The following MLIP variants were observed in gnomAD, a reference collection of about 807,000 sequenced individuals.
The protein encoded by MLIP is muscular LMNA-interacting protein.
Under a neutral mutation model 84.8 loss-of-function variants are expected in MLIP, and 79 were observed. The observed-to-expected ratio is 0.93, with a 90% CI of 0.78 to 1.12. The LOEUF (loss-of-function observed/expected upper bound fraction) is 1.12, where lower values mean the gene tolerates loss of function less well. MLIP is among the 50% of genes most tolerant of loss of function. MLIP has a pLI of 0.00. For synonymous variants in MLIP, 504 were observed against 463.0 expected, an observed-to-expected ratio of 1.09 and a Z score of -1.14; for missense variants, 1,257 against 1,160.6, an observed-to-expected ratio of 1.08 and a Z score of -1.21.
At chr6:54,200,882 T>C (rs1023237438) in intron 10 of MLIP, among the ~76,000 whole-genome samples, 9 of 152,194 alleles carry the variant, frequency 5.9e-5, no homozygotes, top group Admixed American at 2.0e-4. Flanking sequence ...AGACTCAAAA[T>C]ATATCAGGTG....
chr6:54,093,067 G>A (rs1165915300), intron 1 of MLIP, among the ~76,000 whole-genome samples: 1 of 151,910 alleles, frequency 6.6e-6, no homozygotes, highest in African/African-American at 2.4e-5. Context: ...AGCAGAGATG[G>A]GGTTTCACCA....
intron 11 of MLIP, among the ~76,000 whole-genome samples, chr6:54,206,211 T>A (rs1008250247): frequency 1.3e-5 from 2 of 152,160 alleles, no homozygotes; most frequent in African/African-American, 4.8e-5. Flanking sequence ...CATTGAAGAT[T>A]TTTGGTTTAA....
chr6:54,188,651 C>A (rs940347005), intron 9 of MLIP, among the ~76,000 whole-genome samples: 1 of 151,988 alleles, frequency 6.6e-6, no homozygotes, highest in African/African-American at 2.4e-5. Context: ...TTGTGTGGCA[C>A]ATTACTATAT....
chr6:54,124,100 T>TATA (rs1464434487), intron 2 of MLIP, among the ~76,000 whole-genome samples: 1 of 152,210 alleles, frequency 6.6e-6, no homozygotes, highest in Non-Finnish European at 1.5e-5. Context: ...TTTTAAAGGA[T>TATA]ATACAGTTTG....
chr6:54,023,833 G>A (rs997556165), intron 1 of MLIP, among the ~76,000 whole-genome samples: 1 of 152,136 alleles, frequency 6.6e-6, no homozygotes, highest in Non-Finnish European at 1.5e-5. Flanking sequence ...GCCTCCCAAA[G>A]TGATAGGATT....
chr6:54,080,689 A>G (rs1326211245), intron 1 of MLIP, among the ~76,000 whole-genome samples: 2 of 148,604 alleles, frequency 1.3e-5, no homozygotes, highest in Non-Finnish European at 3.0e-5. Flanking sequence ...TCTATAAAAT[A>G]CATAAATTTA....
intron 10 of MLIP, among the ~76,000 whole-genome samples, chr6:54,197,355 CAG>C (rs1562046259): frequency 1.3e-5 from 2 of 151,982 alleles, no homozygotes; most frequent in African/African-American, 2.4e-5. Flanking sequence ...CCTCTGAAAA[CAG>C]GGGGTATGTC....
chr6:54,141,982 G>T (rs1016016667), intron 4 of MLIP, among the ~76,000 whole-genome samples: 3 of 152,190 alleles, frequency 2.0e-5, no homozygotes, highest in Non-Finnish European at 4.4e-5. Flanking sequence ...ATTCACAAAA[G>T]TCTCCTTCCT....
In MLIP at chr6:54,137,685, T is replaced by C. The variant is rs1313728795; in HGVS notation, c.1616T>C (p.Leu539Pro). ...TTGAAGAGCAATACCATGCTCTCCCTGCTACAAACCAGTACATCCAGTTCT... is the reference window on the plus strand; with the variant it reads ...TTGAAGAGCAATACCATGCTCTCCCCGCTACAAACCAGTACATCCAGTTCT... ...PTLKSNTMLSLLQTSTSSSVG... is the reference protein window; with the variant it reads ...PTLKSNTMLSPLQTSTSSSVG... Residue 539 changes from leucine (L) to proline (P), a missense_variant, in exon 4 of 14, where the codon CTG becomes CCG. Transcript: ENST00000502396. The C allele has an allele frequency of 6.5e-7, 1 of 1,536,090 alleles. No homozygotes were observed. Among genetic ancestry groups the C allele is most frequent in the East Asian group, 2.4e-5 (1 of 40,906 alleles).
intron 9 of MLIP, among the ~76,000 whole-genome samples, chr6:54,178,010 C>A (rs779960771): frequency 2.9e-4 from 44 of 151,908 alleles, no homozygotes; most frequent in Non-Finnish European, 5.6e-4. Flanking sequence ...CACATAGACA[C>A]GGGCAGGGTG....
At chr6:54,171,412 G>T (rs1290585983) in intron 9 of MLIP, among the ~76,000 whole-genome samples, 1 of 151,532 alleles carries the variant, frequency 6.6e-6, no homozygotes, top group Non-Finnish European at 1.5e-5. Flanking sequence ...TTTACAACAT[G>T]ACATTTGAAT....
intron 1 of MLIP, among the ~76,000 whole-genome samples, chr6:54,084,231 T>C (rs146156106): frequency 1.3e-3 from 203 of 152,304 alleles, no homozygotes; most frequent in African/African-American, 4.7e-3. Context: ...CACTCTTTAG[T>C]TGAAGCTTAG....
At chr6:54,206,004 C>A (rs1011615709) in intron 11 of MLIP, among the ~76,000 whole-genome samples, 1 of 152,006 alleles carries the variant, frequency 6.6e-6, no homozygotes, top group African/African-American at 2.4e-5. Flanking sequence ...AAAAGTAGAG[C>A]TGGAAAATAA....
intron 1 of MLIP, among the ~76,000 whole-genome samples, chr6:54,079,088 A>G (rs1561912740): frequency 6.6e-6 from 1 of 152,248 alleles, no homozygotes; most frequent in Non-Finnish European, 1.5e-5. Flanking sequence ...ACATAATTAC[A>G]CTAAAAACTT....
intron 11 of MLIP, among the ~76,000 whole-genome samples, chr6:54,205,784 C>T (rs955428058): frequency 2.6e-5 from 4 of 152,016 alleles, no homozygotes; most frequent in Non-Finnish European, 4.4e-5. Flanking sequence ...TTTAAAAAAA[C>T]GAAACCTTCA....
At chr6:54,172,265 A>C (rs2150601475) in intron 9 of MLIP, among the ~76,000 whole-genome samples, 1 of 151,776 alleles carries the variant, frequency 6.6e-6, no homozygotes, top group South Asian at 2.1e-4. Context: ...AAAAAATAAA[A>C]TTTAAAAGGT....
At chr6:54,212,065 C>A (rs1489019244) in intron 11 of MLIP, among the ~76,000 whole-genome samples, 2 of 152,146 alleles carry the variant, frequency 1.3e-5, no homozygotes, top group African/African-American at 4.8e-5. Flanking sequence ...CATGGTAGCT[C>A]TGTTTGATAA....
intron 1 of MLIP, among the ~76,000 whole-genome samples, chr6:54,117,135 C>A (rs549606188): frequency 6.0e-5 from 9 of 150,588 alleles, no homozygotes; most frequent in Admixed American, 5.3e-4. Context: ...CCATAGCTAA[C>A]ATATTGAATG....
intron 9 of MLIP, among the ~76,000 whole-genome samples, chr6:54,174,042 T>C (rs1220092989): frequency 6.6e-6 from 1 of 152,002 alleles, no homozygotes; most frequent in Non-Finnish European, 1.5e-5. Context: ...TCCAGTTCCA[T>C]ACATGTTGTA....
Sources: gnomAD v4.1 joint callset for allele counts (sites outside exome capture counted in the v4.1 genomes callset) on GRCh38, gnomAD v4.1.1 for gene constraint, MANE v1.5 for transcripts, NCBI Gene and HGNC (gene_info 2026-07-23, HGNC 2026-07-21) for gene names.